Variants in KCNIP4 observed in about 807,000 individuals in gnomAD.
KCNIP4 encodes the protein potassium voltage-gated channel interacting protein 4, also known as Kv channel-interacting protein 4.
A neutral mutation model predicts 34.0 loss-of-function variants in KCNIP4; 12 were observed. The observed-to-expected ratio is 0.35, with a 90% CI of 0.23 to 0.57. The LOEUF (loss-of-function observed/expected upper bound fraction) is 0.57. Among genes scored for constraint, KCNIP4 ranks in the 20% least tolerant of loss-of-function variants. The pLI, the probability that KCNIP4 is intolerant of heterozygous loss-of-function variation, is 0.83. For synonymous variants in KCNIP4, 124 were observed against 102.2 expected (o/e 1.21, Z -1.29); for missense variants, 238 against 311.7 (o/e 0.76, Z 1.78).
chr4:21,697,132 T>C (rs1187580096), intron 1 of KCNIP4, among the ~76,000 whole-genome samples: 2 of 151,370 alleles, frequency 1.3e-5, no homozygotes, highest in African/African-American at 4.9e-5. Flanking sequence ...CTTGAAGAGA[T>C]AAAAAAAATA....
At chr4:21,658,407 T>C (rs1034746667) in intron 1 of KCNIP4, among the ~76,000 whole-genome samples, 1 of 152,068 alleles carries the variant, frequency 6.6e-6, no homozygotes, top group Non-Finnish European at 1.5e-5. Context: ...TCACATCACA[T>C]AGGGCACATC....
At position 20,730,136 on chromosome 4, in the gene KCNIP4, G is replaced by A; in HGVS notation, c.706-7C>T. 2 of 1,604,624 alleles carry A rather than the reference G, an allele frequency of 1.2e-6. No homozygotes were observed. Among genetic ancestry groups the A allele is most frequent in the Non-Finnish European group, 1.7e-6 (2 of 1,176,474 alleles). On this transcript the variant is annotated splice_polypyrimidine_tract_variant and splice_region_variant and intron_variant, in intron 8 of 8. Coordinates refer to ENST00000382152, the MANE Select transcript of KCNIP4 (RefSeq NM_025221.6). ...AGCGCATTATGTTTTCATCCTGTAA[G>A]GGAGAAACACAGAGCGATTAAATTC...
At chr4:21,190,325 G>T (rs950798127) in intron 1 of KCNIP4, among the ~76,000 whole-genome samples, 4 of 152,092 alleles carry the variant, frequency 2.6e-5, no homozygotes, top group African/African-American at 4.8e-5. Context: ...CATTAGTATT[G>T]GTTCGTTGGT....
chr4:20,943,323 C>A (rs1051148580), intron 1 of KCNIP4, among the ~76,000 whole-genome samples: 1 of 152,124 alleles, frequency 6.6e-6, no homozygotes, highest in African/African-American at 2.4e-5. Flanking sequence ...GCATGCCAAC[C>A]AGTTTATAGC....
intron 1 of KCNIP4, among the ~76,000 whole-genome samples, chr4:20,960,468 C>G (rs148082650): frequency 1.1e-3 from 162 of 152,308 alleles, no homozygotes; most frequent in Non-Finnish European, 1.9e-3. Flanking sequence ...CTTCTGCTCA[C>G]GGACACTTGG....
At chr4:21,669,864 T>C (rs952680721) in intron 1 of KCNIP4, among the ~76,000 whole-genome samples, 1 of 152,192 alleles carries the variant, frequency 6.6e-6, no homozygotes, top group South Asian at 2.1e-4. Context: ...CTCTGTTTGA[T>C]ATTACTGAAA....
chr4:21,393,215 C>T (rs892232768), intron 1 of KCNIP4, among the ~76,000 whole-genome samples: 3 of 152,136 alleles, frequency 2.0e-5, no homozygotes, highest in African/African-American at 7.2e-5. Flanking sequence ...AGACATTTAT[C>T]CCTAGTAAGG....
At chr4:21,622,569 A>G (rs1745063089) in intron 1 of KCNIP4, among the ~76,000 whole-genome samples, 1 of 152,214 alleles carries the variant, frequency 6.6e-6, no homozygotes, top group Admixed American at 6.5e-5. Flanking sequence ...TGTATTCATA[A>G]TATCTGTTAA....
At chr4:21,037,837 A>G (rs1017204206) in intron 1 of KCNIP4, among the ~76,000 whole-genome samples, 1 of 152,190 alleles carries the variant, frequency 6.6e-6, no homozygotes, top group African/African-American at 2.4e-5. Flanking sequence ...GTTTAAATCA[A>G]TGACCTCAAA....
chr4:21,022,477 G>A (rs901809611), intron 1 of KCNIP4, among the ~76,000 whole-genome samples: 2 of 152,186 alleles, frequency 1.3e-5, no homozygotes, highest in Admixed American at 6.5e-5. Flanking sequence ...AATACTTCAA[G>A]TATTTTCAAG....
chr4:21,654,495 A>T (rs1001080721), intron 1 of KCNIP4, among the ~76,000 whole-genome samples: 1 of 149,502 alleles, frequency 6.7e-6, no homozygotes, highest in African/African-American at 2.5e-5. Flanking sequence ...CTTGATTAAA[A>T]TGTTTTTTTT....
intron 1 of KCNIP4, among the ~76,000 whole-genome samples, chr4:21,241,578 G>A (rs946871303): frequency 1.3e-5 from 2 of 152,182 alleles, no homozygotes; most frequent in Non-Finnish European, 2.9e-5. Context: ...GTGAGGAACT[G>A]CTGACAAATG....
rs116698451 is a variant in KCNIP4, at chr4:21,782,286, G to T, written c.61+166285C>A. Among the ~76,000 whole-genome samples the T allele has an allele frequency of 3.3e-3, 495 of 152,200 alleles. 2 individuals carry two copies. The highest frequency in any genetic ancestry group is 0.011 in the African/African-American group (465 of 41,548). On this transcript the variant is annotated intron_variant, in intron 1 of 8. Coordinates refer to ENST00000382152, the MANE Select transcript of KCNIP4 (RefSeq NM_025221.6). ...CATGCCATACAAACAATGATCAAAA[G>T]AAAATAGGAGTGGCTATTTTAACAT...
chr4:21,131,131 A>G (rs1403064197), intron 1 of KCNIP4, among the ~76,000 whole-genome samples: 1 of 152,200 alleles, frequency 6.6e-6, no homozygotes, highest in Non-Finnish European at 1.5e-5. Context: ...CACATTTTTA[A>G]TAACCAAAAA....
At chr4:21,019,792 G>T (rs1739881059) in intron 1 of KCNIP4, among the ~76,000 whole-genome samples, 1 of 151,878 alleles carries the variant, frequency 6.6e-6, no homozygotes, top group South Asian at 2.1e-4. Flanking sequence ...TTTATATAGG[G>T]GTTCTATTAT....
chr4:21,243,824 A>G (rs1338260728), intron 1 of KCNIP4, among the ~76,000 whole-genome samples: 1 of 152,182 alleles, frequency 6.6e-6, no homozygotes, highest in East Asian at 1.9e-4. Context: ...CTGTTTCTTG[A>G]GAGAGCATAT....
chr4:21,676,310 C>T (rs897410502), intron 1 of KCNIP4, among the ~76,000 whole-genome samples: 2 of 152,118 alleles, frequency 1.3e-5, no homozygotes, highest in African/African-American at 2.4e-5. Context: ...ACATGATAAC[C>T]TCAATATAAA....
chr4:21,016,699 G>A (rs960122634), intron 1 of KCNIP4, among the ~76,000 whole-genome samples: 7 of 151,966 alleles, frequency 4.6e-5, no homozygotes, highest in Non-Finnish European at 5.9e-5. Flanking sequence ...TGCAACCTCC[G>A]CCTTCTGGGT....
chr4:21,106,963 C>G (rs888354798), intron 1 of KCNIP4, among the ~76,000 whole-genome samples: 18 of 150,400 alleles, frequency 1.2e-4, no homozygotes, highest in Admixed American at 2.6e-4. Flanking sequence ...GTCTGAGAGA[C>G]AGTTTGTTAT....
Sources: gnomAD v4.1 joint callset for allele counts (sites outside exome capture counted in the v4.1 genomes callset) on GRCh38, gnomAD v4.1.1 for gene constraint, MANE v1.5 for transcripts, NCBI Gene and HGNC (gene_info 2026-07-23, HGNC 2026-07-21) for gene names.